MDN1: variants seen among roughly 807,000 people sequenced by gnomAD.
The protein encoded by MDN1 is midasin.
A neutral mutation model predicts 669.2 loss-of-function variants in MDN1; 266 were observed. That is an observed-to-expected ratio of 0.40 (90% CI 0.36 to 0.44). The LOEUF (loss-of-function observed/expected upper bound fraction) is 0.44, where lower values mean the gene tolerates loss of function less well. Among genes scored for constraint, MDN1 ranks in the 20% least tolerant of loss-of-function variants. The pLI, the probability that MDN1 is intolerant of heterozygous loss-of-function variation, is 1.00. For synonymous variants in MDN1, 2,385 were observed against 2,457.1 expected (o/e 0.97, Z 0.87); for missense variants, 5,940 against 6,754.0 (o/e 0.88, Z 4.22).
chr6:89,797,260 C>T (rs568403101), intron 2 of MDN1, among the ~76,000 whole-genome samples: 14 of 151,758 alleles, frequency 9.2e-5, no homozygotes, highest in African/African-American at 3.4e-4. Context: ...GTCCCAGCTA[C>T]CCAGAAGGCT....
At chr6:89,809,495 G>A (rs985355515) in intron 1 of MDN1, among the ~76,000 whole-genome samples, 1 of 151,860 alleles carries the variant, frequency 6.6e-6, no homozygotes, top group Non-Finnish European at 1.5e-5. Flanking sequence ...GCCAGGCTTG[G>A]CTGGGTGCAG....
At chr6:89,760,875 C>A (rs1817507444) in intron 17 of MDN1, among the ~76,000 whole-genome samples, 1 of 152,098 alleles carries the variant, frequency 6.6e-6, no homozygotes, top group African/African-American at 2.4e-5. Context: ...AAGTACAAAG[C>A]CTTGGCCAGG....
At chr6:89,819,100 G>C (rs1250682254) in intron 1 of MDN1, among the ~76,000 whole-genome samples, 5 of 152,184 alleles carry the variant, frequency 3.3e-5, no homozygotes, top group Non-Finnish European at 7.3e-5. Flanking sequence ...ATCAGTATTT[G>C]TCGATGGTTC....
intron 100 of MDN1, 43 bp from the exon 101 acceptor site, chr6:89,645,200 C>A: frequency 1.3e-6 from 2 of 1,556,374 alleles, no homozygotes; most frequent in Non-Finnish European, 1.8e-6. Flanking sequence ...AAATGAACAG[C>A]CATTTTTAAT....
chr6:89,716,562 A>G, intron 44 of MDN1, 88 bp downstream of exon 44: 1 of 1,439,250 alleles, frequency 6.9e-7, no homozygotes, highest in Non-Finnish European at 9.3e-7. Flanking sequence ...AGTAGCTTCA[A>G]AATACCAGCA....
In MDN1 at chr6:89,692,537, A is replaced by C; in HGVS notation, c.10493T>G (p.Leu3498Arg). The part of the protein sequence containing the change: ...GQKACPTREQ[L>R]LMNALLYLRS... ...CAGGTAAAGGAGAGCATTCATCAGC[A>C]GCTGCTCCCGAGTGGGACAGGCTTT... The change falls in exon 63 of 102, where the codon CTG becomes CGG. Residue 3498 changes from leucine to arginine, a missense_variant. Physicochemically the swap from Leu to Arg is moderately radical, Grantham distance 102. Coordinates refer to ENST00000369393, the MANE Select transcript of MDN1 (RefSeq NM_014611.3). 6.2e-7 allele frequency: 1 copy of C among 1,614,244 alleles called. No individual in the cohort carries two copies. The highest frequency in any genetic ancestry group is 8.5e-7 in the Non-Finnish European group (1 of 1,180,038).
At chr6:89,655,186 G>A (rs888121941) in intron 92 of MDN1, among the ~76,000 whole-genome samples, 1 of 152,050 alleles carries the variant, frequency 6.6e-6, no homozygotes, top group Non-Finnish European at 1.5e-5. Flanking sequence ...CTAAATGGTA[G>A]ATTATTCTCA....
intron 49 of MDN1, among the ~76,000 whole-genome samples, chr6:89,711,297 C>T (rs1747285960): frequency 1.3e-5 from 2 of 151,900 alleles, no homozygotes; most frequent in African/African-American, 4.8e-5. Context: ...GGTTCCACAT[C>T]TGTGGAATTC....
intron 33 of MDN1, among the ~76,000 whole-genome samples, chr6:89,736,310 C>A (rs1815968136): frequency 6.6e-6 from 1 of 152,212 alleles, no homozygotes; most frequent in African/African-American, 2.4e-5. Context: ...GGCTCCCATG[C>A]TTGCATGGAG....
At chr6:89,746,615 G>GAAAA (rs1562173061) in intron 27 of MDN1, among the ~76,000 whole-genome samples, 1 of 7,716 alleles carries the variant, frequency 1.3e-4, no homozygotes, top group South Asian at 5.2e-3. Context: ...AAAAAAAAAA[G>GAAAA]AAAGAAAGAA....
intron 64 of MDN1, 79 bp downstream of exon 64, chr6:89,690,594 A>C: frequency 1.2e-5 from 19 of 1,522,588 alleles, no homozygotes; most frequent in East Asian, 2.3e-5. Context: ...ATAAAGAGGA[A>C]GAGAGAAAGC....
chr6:89,651,747 A>C (rs1215579909), intron 95 of MDN1, among the ~76,000 whole-genome samples: 2 of 152,246 alleles, frequency 1.3e-5, no homozygotes, highest in African/African-American at 2.4e-5. Context: ...TGATTATGAC[A>C]ATAGATATAA....
chr6:89,667,010 T>C (rs1380163378), intron 84 of MDN1, among the ~76,000 whole-genome samples: 1 of 152,212 alleles, frequency 6.6e-6, no homozygotes. Flanking sequence ...TACACACTCA[T>C]ATACCTATTT....
At position 89,718,857 on chromosome 6, in the gene MDN1, C is replaced by A. The variant is rs761004810; in HGVS notation, c.6231G>T (p.Gln2077His). 4.6e-5 allele frequency: 74 copies of A among 1,613,956 alleles called. No homozygotes were observed. In the South Asian group the frequency reaches 6.4e-4, roughly 14 times the overall value. Residue 2077 changes from glutamine (Q) to histidine (H), a missense_variant, in exon 42 of 102, where the codon CAG becomes CAT. Around this residue, in one of 5 missense-constraint regions of MDN1, gnomAD observed 2,292 missense variants for 2,638.3 expected, o/e 0.87. Transcript: ENST00000369393. ...TGTGGCCAGTAAGGTGTGCCAGAAG[C>A]TGGACCAGGCTGGTCTTGCCCACAG... is the stretch of plus-strand genomic sequence containing the variant. ...PASVGKTSLVQLLAHLTGHTL... is the reference protein window; with the variant it reads ...PASVGKTSLVHLLAHLTGHTL...
chr6:89,678,995 C>T (rs1342122990), intron 74 of MDN1, among the ~76,000 whole-genome samples: 1 of 152,170 alleles, frequency 6.6e-6, no homozygotes. Flanking sequence ...ACAATAACAA[C>T]CCGAACAGCA....
Position 89,718,697 on chromosome 6 carries a change from T to A in MDN1, c.6321+70A>T, listed in dbSNP as rs1027653356. 129 of 1,606,852 alleles carry A rather than the reference T, an allele frequency of 8.0e-5. No individual in the cohort carries two copies. The East Asian group carries it at 2.9e-3, about 36-fold the overall frequency. ...ACTGTTATCTGTACTCATCACCAACTCAGAAGACTCTCAGTCAGACCACGG... is the reference window on the plus strand; with the variant it reads ...ACTGTTATCTGTACTCATCACCAACACAGAAGACTCTCAGTCAGACCACGG... On this transcript the variant is annotated intron_variant, in intron 42 of 101. Transcript: ENST00000369393.
At chr6:89,786,418 C>A (rs1487274126) in intron 8 of MDN1, among the ~76,000 whole-genome samples, 1 of 151,840 alleles carries the variant, frequency 6.6e-6, no homozygotes. Context: ...CAGCAAGATT[C>A]CATCTCTAAA....
At position 89,650,653 on chromosome 6, in the gene MDN1, T is replaced by C. The variant is rs1230090731; in HGVS notation, c.16031+79A>G. On this transcript the variant is annotated intron_variant, in intron 96 of 101. Transcript: ENST00000369393. ...CCTAGAAGCTGGCACTATAAATGGT[T>C]AGGTGCCGCGTTCAACAGAATCAAT... 9 of 1,064,504 alleles carry C rather than the reference T, an allele frequency of 8.5e-6. No homozygotes were observed. The East Asian group carries it at 2.1e-4, about 25-fold the overall frequency. 65.9% of individuals were successfully genotyped at this position (1,064,504 alleles called of 1,614,324 possible). A position where few individuals can be genotyped will look rare whatever the true frequency, so the allele number is the denominator to read the frequency against.
intron 34 of MDN1, among the ~76,000 whole-genome samples, chr6:89,732,332 T>C (rs1398261535): frequency 6.6e-6 from 1 of 151,902 alleles, no homozygotes; most frequent in Admixed American, 6.6e-5. Flanking sequence ...TAATCACCAC[T>C]TCATGTTTGT....
Sources: gnomAD v4.1 joint callset for allele counts (sites outside exome capture counted in the v4.1 genomes callset) on GRCh38, gnomAD v4.1.1 for gene constraint, gnomAD v4.1.1 regional missense constraint, MANE v1.5 for transcripts, NCBI Gene and HGNC (gene_info 2026-07-23, HGNC 2026-07-21) for gene names.